Variants in FHIT observed in about 807,000 individuals in gnomAD.
FHIT encodes the protein fragile histidine triad diadenosine triphosphatase.
In FHIT, 19 loss-of-function variants were observed where a neutral mutation model predicts 17.9. The ratio of observed to expected loss-of-function variants is 1.06; its 90% confidence interval spans 0.74 to 1.56. The LOEUF (loss-of-function observed/expected upper bound fraction) is 1.56. Among genes scored for constraint, FHIT ranks in the 40% most tolerant of loss-of-function variants. The pLI, the probability that FHIT is intolerant of heterozygous loss-of-function variation, is 0.00. For synonymous variants in FHIT, 81 were observed against 69.7 expected (o/e 1.16, Z -0.81); for missense variants, 248 against 189.2 (o/e 1.31, Z -1.82).
chr3:60,482,040 A>G (rs541674456), intron 5 of FHIT, among the ~76,000 whole-genome samples: 2 of 152,348 alleles, frequency 1.3e-5, no homozygotes, highest in Admixed American at 1.3e-4. Flanking sequence ...TCTCTGACAA[A>G]ACAAACTTTA....
chr3:59,803,899 A>G (rs543365066), intron 8 of FHIT, among the ~76,000 whole-genome samples: 1 of 152,250 alleles, frequency 6.6e-6, no homozygotes, highest in African/African-American at 2.4e-5. Context: ...CTCGGTAGCA[A>G]TGAATGTATT....
chr3:60,238,007 A>G (rs1435286762), intron 5 of FHIT, among the ~76,000 whole-genome samples: 1 of 152,004 alleles, frequency 6.6e-6, no homozygotes, highest in African/African-American at 2.4e-5. Context: ...TCAGCCAGGA[A>G]TGGTGGTACA....
intron 2 of FHIT, among the ~76,000 whole-genome samples, chr3:61,115,894 A>C (rs2036286464): frequency 6.6e-6 from 1 of 152,184 alleles, no homozygotes; most frequent in African/African-American, 2.4e-5. Context: ...ACAAGCCAGG[A>C]CTGAGACCGT....
At chr3:59,991,741 T>TCTCCCTGATC (rs1377424301) in intron 7 of FHIT, among the ~76,000 whole-genome samples, 8 of 151,952 alleles carry the variant, frequency 5.3e-5, no homozygotes, top group African/African-American at 1.9e-4. Flanking sequence ...ACAGTCGTTG[T>TCTCCCTGATC]CTCCCTGATC....
intron 5 of FHIT, among the ~76,000 whole-genome samples, chr3:60,195,469 T>C (rs1184141602): frequency 2.0e-5 from 3 of 149,726 alleles, no homozygotes; most frequent in African/African-American, 7.3e-5. Context: ...ATATATTTAT[T>C]GCAACACAGT....
At chr3:59,783,288 G>C (rs1374911857) in intron 8 of FHIT, among the ~76,000 whole-genome samples, 1 of 152,130 alleles carries the variant, frequency 6.6e-6, no homozygotes, top group East Asian at 1.9e-4. Context: ...GGCCAACATG[G>C]TGAAGCCCCT....
chr3:60,407,678 C>A (rs1701920960), intron 5 of FHIT, among the ~76,000 whole-genome samples: 1 of 152,016 alleles, frequency 6.6e-6, no homozygotes, highest in South Asian at 2.1e-4. Flanking sequence ...CCAGGCCTGG[C>A]TAAATTTTTT....
At chr3:59,859,562 A>C (rs1255938747) in intron 8 of FHIT, among the ~76,000 whole-genome samples, 2 of 152,220 alleles carry the variant, frequency 1.3e-5, no homozygotes, top group African/African-American at 4.8e-5. Flanking sequence ...TACTAAAAAT[A>C]CAAAAAATTA....
chr3:60,187,900 A>G (rs188200869), intron 5 of FHIT, among the ~76,000 whole-genome samples: 94 of 152,250 alleles, frequency 6.2e-4, no homozygotes, highest in Middle Eastern at 6.8e-3. Context: ...AAAAATTACA[A>G]TTCTACCTAT....
intron 8 of FHIT, among the ~76,000 whole-genome samples, chr3:59,847,264 T>G (rs1701757113): frequency 6.6e-6 from 1 of 152,130 alleles, no homozygotes; most frequent in African/African-American, 2.4e-5. Context: ...GCTCTGTTCA[T>G]CTTTCTTCAA....
At chr3:60,419,040 A>G (rs1056528543) in intron 5 of FHIT, among the ~76,000 whole-genome samples, 15 of 152,132 alleles carry the variant, frequency 9.9e-5, no homozygotes, top group Non-Finnish European at 5.9e-5. Flanking sequence ...TCACAACTAG[A>G]AAGAGATTTT....
At chr3:60,064,092 G>T (rs945019842) in intron 5 of FHIT, among the ~76,000 whole-genome samples, 6 of 152,100 alleles carry the variant, frequency 3.9e-5, no homozygotes, top group Admixed American at 6.5e-5. Context: ...AATATTTGGA[G>T]GACAAGAGGC....
intron 5 of FHIT, among the ~76,000 whole-genome samples, chr3:60,534,208 A>G (rs2035891130): frequency 6.6e-6 from 1 of 150,448 alleles, no homozygotes; most frequent in African/African-American, 2.4e-5. Context: ...CGGGTGGATC[A>G]TGAGGTCAGG....
rs1372254302 is a variant in FHIT at position 60,545,711 on chromosome 3, C to A, written c.-17-8732G>T. 3.9e-5 allele frequency among the ~76,000 whole-genome samples: 6 copies of A among 152,054 alleles called. No individual in the cohort carries two copies. The East Asian group carries it at 1.2e-3, about 29-fold the overall frequency. ...TTTTATAGCACTGTTGTTAAGAGAA[C>A]CTCTAAGCTGTTGATTTTTTAGAAT... On this transcript the variant is annotated intron_variant, in intron 4 of 9. Transcript: ENST00000492590.
Position 60,358,550 on chromosome 3 carries a change from G to T in FHIT, c.103+178310C>A, listed in dbSNP as rs182860847. The stretch of plus-strand genomic sequence containing the variant: ...TTGAGCAAATATTACTGTGAGCCTA[G>T]GTCAAAAAGCTAAGGTCATAGTGTT... On this transcript the variant is annotated intron_variant, in intron 5 of 9. Coordinates refer to ENST00000492590, the MANE Select transcript of FHIT (RefSeq NM_002012.4). Among the ~76,000 whole-genome samples, 524 of 152,210 alleles carry T rather than the reference G, an allele frequency of 3.4e-3. 1 individual carries two copies. The highest frequency in any genetic ancestry group is 6.9e-3 in the South Asian group (33 of 4,812).
intron 7 of FHIT, among the ~76,000 whole-genome samples, chr3:59,938,650 T>C (rs550800434): frequency 6.6e-6 from 1 of 152,350 alleles, no homozygotes; most frequent in East Asian, 1.9e-4. Context: ...CTATTTTGTA[T>C]ATATGTCTTA....
At chr3:60,242,626 T>C (rs1705190513) in intron 5 of FHIT, among the ~76,000 whole-genome samples, 1 of 151,884 alleles carries the variant, frequency 6.6e-6, no homozygotes, top group Non-Finnish European at 1.5e-5. Context: ...TCTTCACCTC[T>C]TCCCATCAGT....
At chr3:60,217,762 T>G (rs753220512) in intron 5 of FHIT, among the ~76,000 whole-genome samples, 5 of 152,196 alleles carry the variant, frequency 3.3e-5, no homozygotes, top group Non-Finnish European at 7.3e-5. Context: ...AGGTCTGCTT[T>G]AGCACTTTTC....
At chr3:60,398,735 T>C (rs1484845292) in intron 5 of FHIT, among the ~76,000 whole-genome samples, 4 of 152,104 alleles carry the variant, frequency 2.6e-5, no homozygotes, top group African/African-American at 9.7e-5. Context: ...TAATCCAAAT[T>C]TTGTGGAAGG....
Sources: gnomAD v4.1 joint callset for allele counts (sites outside exome capture counted in the v4.1 genomes callset) on GRCh38, gnomAD v4.1.1 for gene constraint, MANE v1.5 for transcripts, NCBI Gene and HGNC (gene_info 2026-07-23, HGNC 2026-07-21) for gene names.